The following ADAMTS17 variants were observed in gnomAD, a reference collection of about 807,000 sequenced individuals.
The protein encoded by ADAMTS17 is ADAM metallopeptidase with thrombospondin type 1 motif 17.
A neutral mutation model predicts 141.5 loss-of-function variants in ADAMTS17; 113 were observed. That is an observed-to-expected ratio of 0.80 (90% CI 0.69 to 0.93). The LOEUF is 0.93. ADAMTS17 is among the 40% of genes least tolerant of loss of function. ADAMTS17 has a pLI of 0.00. For synonymous variants in ADAMTS17, 768 were observed against 630.6 expected (o/e 1.22, Z -3.27); for missense variants, 1,659 against 1,517.9 (o/e 1.09, Z -1.54).
intron 18 of ADAMTS17, among the ~76,000 whole-genome samples, chr15:100,004,856 A>G (rs2061007254): frequency 6.6e-6 from 1 of 152,162 alleles, no homozygotes; most frequent in Non-Finnish European, 1.5e-5. Context: ...GCTGACCTCC[A>G]GTGATCCGCC....
intron 15 of ADAMTS17, among the ~76,000 whole-genome samples, chr15:100,077,283 CAAAAAAAAAA>C (rs71151934): frequency 9.2e-4 from 50 of 54,606 alleles, no homozygotes; most frequent in Non-Finnish European, 1.1e-3. Flanking sequence ...ATCTCTACCA[CAAAAAAAAAA>C]AAAAAAAAAA....
At chr15:100,143,136 G>T (rs1013622825) in intron 10 of ADAMTS17, among the ~76,000 whole-genome samples, 3 of 152,292 alleles carry the variant, frequency 2.0e-5, no homozygotes, top group Admixed American at 2.0e-4. Flanking sequence ...TGGTGATGGG[G>T]CAGATGAACA....
At chr15:100,045,654 G>T (rs1016567608) in intron 18 of ADAMTS17, among the ~76,000 whole-genome samples, 1 of 152,100 alleles carries the variant, frequency 6.6e-6, no homozygotes, top group African/African-American at 2.4e-5. Flanking sequence ...CTCCTTTCTG[G>T]AGTTTTTCCT....
intron 7 of ADAMTS17, among the ~76,000 whole-genome samples, chr15:100,209,739 G>C (rs1213536393): frequency 1.3e-5 from 2 of 152,192 alleles, no homozygotes; most frequent in Non-Finnish European, 1.5e-5. Flanking sequence ...GCCAGCCTCA[G>C]AATCATCGCC....
chr15:100,081,342 A>C (rs1310219884), intron 15 of ADAMTS17, among the ~76,000 whole-genome samples: 1 of 152,162 alleles, frequency 6.6e-6, no homozygotes, highest in Non-Finnish European at 1.5e-5. Context: ...AATACTTAAT[A>C]AACTCCCCTA....
At chr15:100,219,409 C>T (rs4965598) in intron 7 of ADAMTS17, among the ~76,000 whole-genome samples, 113,652 of 152,120 alleles carry the variant, frequency 0.75, 43,233 homozygotes, top group African/African-American at 0.9. Context: ...CAAAATTTTC[C>T]TAAAAGCAAT....
chr15:100,075,213 G>A (rs2034283861), intron 15 of ADAMTS17, among the ~76,000 whole-genome samples: 1 of 152,068 alleles, frequency 6.6e-6, no homozygotes, highest in South Asian at 2.1e-4. Context: ...CATTGTATTA[G>A]TTTGTCATAT....
intron 7 of ADAMTS17, among the ~76,000 whole-genome samples, chr15:100,208,535 T>C (rs983903811): frequency 2.2e-4 from 33 of 152,224 alleles, no homozygotes; most frequent in African/African-American, 7.7e-4. Flanking sequence ...AGGTCAGTGT[T>C]ACCCCAGAGG....
At chr15:100,099,634 T>C (rs1329081986) in intron 14 of ADAMTS17, among the ~76,000 whole-genome samples, 1 of 152,212 alleles carries the variant, frequency 6.6e-6, no homozygotes, top group Non-Finnish European at 1.5e-5. Context: ...TTCAAGTTCC[T>C]GGCCAGCATT....
intron 8 of ADAMTS17, among the ~76,000 whole-genome samples, chr15:100,157,619 A>C (rs1330290502): frequency 6.6e-6 from 1 of 152,222 alleles, no homozygotes; most frequent in Non-Finnish European, 1.5e-5. Flanking sequence ...AACTGGTGCA[A>C]AGCGAGCATT....
In ADAMTS17 at chr15:99,972,839, G is replaced by C. The variant is rs1203216809; in HGVS notation, c.*1563C>G. ...GGAGAAGGCAGAGAGGCTTCTTTCT[G>C]ATTTAAGCTAACTCTACGGTTGTGA... On this transcript the variant is annotated 3_prime_UTR_variant, in exon 22 of 22. Transcript: ENST00000268070. 1 of 152,200 alleles carries C rather than the reference G, an allele frequency of 6.6e-6. No individual in the cohort carries two copies. The highest frequency in any genetic ancestry group is 1.5e-5 in the Non-Finnish European group (1 of 68,042). 9.4% of individuals were successfully genotyped at this position (152,200 alleles called of 1,614,324 possible). A position where few individuals can be genotyped will look rare whatever the true frequency, so the allele number is the denominator to read the frequency against.
At chr15:100,041,731 T>C (rs537441923) in intron 18 of ADAMTS17, among the ~76,000 whole-genome samples, 62 of 152,182 alleles carry the variant, frequency 4.1e-4, no homozygotes, top group Non-Finnish European at 6.2e-4. Context: ...AGATTCCATA[T>C]GGTTACAGCA....
rs1454722669 is a variant in ADAMTS17 at position 99,974,458 on chromosome 15, G to A, written c.3232C>T (p.Gln1078Ter). Residue 1078 changes from glutamine (Q) to a stop codon, truncating the protein, a stop_gained, in exon 22 of 22, where the codon CAG (glutamine) becomes TAG (stop). Coordinates refer to ENST00000268070, the MANE Select transcript of ADAMTS17 (RefSeq NM_139057.4). LOFTEE classifies it high-confidence loss of function. ...QDMRWYQRCC[Q>*]TCRDFYANKM... is the part of the protein sequence containing the mutation. ...TTTGCATAGAAGTCCCTGCAGGTCT[G>A]GCAGCAGCGCTGGTACCACCGCATG... 1.2e-6 allele frequency: 2 copies of A among 1,614,202 alleles called. No homozygotes were observed. The highest frequency in any genetic ancestry group is 1.7e-6 in the Non-Finnish European group (2 of 1,180,038).
intron 15 of ADAMTS17, among the ~76,000 whole-genome samples, chr15:100,085,202 G>A (rs964076263): frequency 1.3e-5 from 2 of 152,126 alleles, no homozygotes; most frequent in Non-Finnish European, 2.9e-5. Context: ...AAATGCACAA[G>A]GCCTCAGTAG....
chr15:100,328,571 T>A (rs1400096168), intron 3 of ADAMTS17, among the ~76,000 whole-genome samples: 1 of 152,210 alleles, frequency 6.6e-6, no homozygotes, highest in African/African-American at 2.4e-5. Context: ...AATTTCTCCC[T>A]ACAGTCTTGC....
At chr15:100,253,843 G>A (rs974030592) in intron 7 of ADAMTS17, among the ~76,000 whole-genome samples, 1 of 152,056 alleles carries the variant, frequency 6.6e-6, no homozygotes, top group African/African-American at 2.4e-5. Context: ...AATGCTCAGA[G>A]CCAAATGCAC....
rs190787630 is a variant in ADAMTS17, at chr15:100,147,501, C to T, written c.1473+5111G>A. ...GTACTGTACTACTACTACTACACCACTGCCTGCTGTAGGCAACTGTAACAC... is the reference window on the plus strand; with the variant it reads ...GTACTGTACTACTACTACTACACCATTGCCTGCTGTAGGCAACTGTAACAC... On this transcript the variant is annotated intron_variant, in intron 10 of 21. Transcript: ENST00000268070. Among the ~76,000 whole-genome samples the T allele has an allele frequency of 1.2e-4, 18 of 152,314 alleles. No homozygotes were observed. In the East Asian group the frequency reaches 2.9e-3, roughly 24 times the overall value.
chr15:100,058,801 T>A lies in ADAMTS17; in HGVS notation c.2138-4747A>T, dbSNP rs111502581. ...GTGGGAGAGGTGTCAGGAAGAGGGC[T>A]ACTGGAGGCCACGGAGGAGTCACTG... On this transcript the variant is annotated intron_variant, in intron 15 of 21. Coordinates refer to ENST00000268070, the MANE Select transcript of ADAMTS17 (RefSeq NM_139057.4). Among the ~76,000 whole-genome samples the A allele has an allele frequency of 7.0e-3, 1,073 of 152,274 alleles. 13 individuals are homozygous for A. The highest frequency in any genetic ancestry group is 0.025 in the African/African-American group (1,034 of 41,550).
intron 15 of ADAMTS17, among the ~76,000 whole-genome samples, chr15:100,073,756 A>C (rs1190470960): frequency 3.2e-4 from 9 of 28,202 alleles, no homozygotes; most frequent in South Asian, 4.5e-3. Context: ...CACACTGGGG[A>C]CTGTTGTGGG....
Sources: gnomAD v4.1 joint callset for allele counts (sites outside exome capture counted in the v4.1 genomes callset) on GRCh38, gnomAD v4.1.1 for gene constraint, MANE v1.5 for transcripts, NCBI Gene and HGNC (gene_info 2026-07-23, HGNC 2026-07-21) for gene names.